The following EIF3A variants were observed in gnomAD, a reference collection of about 807,000 sequenced individuals.
EIF3A encodes EIF3, p180 subunit.
EIF3A carries 21 observed loss-of-function variants against 186.6 expected under a neutral mutation model. The observed-to-expected ratio is 0.11, with a 90% confidence interval of 0.08 to 0.16. The LOEUF is 0.16. Among genes scored for constraint, EIF3A ranks in the 10% least tolerant of loss-of-function variants. EIF3A has a pLI of 1.00. For missense variants in EIF3A, 1,306 were observed against 1,796.3 expected, an observed-to-expected ratio of 0.73 and a Z score of 4.93; for synonymous variants, 563 against 584.3, an observed-to-expected ratio of 0.96 and a Z score of 0.52.
Position 119,038,414 on chromosome 10 carries a change from G to A in EIF3A, c.3552C>T (p.Ala1184=). 1 of 1,613,314 alleles carries A rather than the reference G, an allele frequency of 6.2e-7. No individual in the cohort carries two copies. Among genetic ancestry groups the A allele is most frequent in the South Asian group, 1.1e-5 (1 of 90,870 alleles). ...GAGGTGGACCCCAGCTCTCCTCTCT[G>A]GCTTTTTCTTTCTCTCTCCATCCAC... ...KPGGWREKEK[A]REESWGPPRE... The change falls in exon 20 of 22, where the codon GCC becomes GCT. Residue 1184 remains alanine (A), a synonymous_variant. Transcript: ENST00000369144.
Position 119,056,683 on chromosome 10 carries a change from T to A in EIF3A, c.2196+57A>T, listed in dbSNP as rs1264030363. The A allele has an allele frequency of 1.7e-5, 19 of 1,133,890 alleles. No homozygotes were observed. In the East Asian group the frequency reaches 4.5e-4, roughly 27 times the overall value. The allele number at this position is 1,133,890 out of a possible 1,614,324, so 70.2% of individuals were successfully genotyped here. Reference sequence around the variant, plus strand: ...AGCAATTCTGAATCCTTGGTTCCATTACTGGCAGAGGATTTTATTACAATC... The same window carrying A: ...AGCAATTCTGAATCCTTGGTTCCATAACTGGCAGAGGATTTTATTACAATC... On this transcript the variant is annotated intron_variant, in intron 14 of 21. Coordinates refer to ENST00000369144, the MANE Select transcript of EIF3A (RefSeq NM_003750.4).
intron 19 of EIF3A, among the ~76,000 whole-genome samples, chr10:119,041,005 CA>C (rs34452005): frequency 0.34 from 27,010 of 78,452 alleles, 2,122 homozygotes; most frequent in East Asian, 0.41. Flanking sequence ...ACTCCGTCTC[CA>C]AAAAAAAAAA....
Position 119,036,205 on chromosome 10 carries a change from CGAG to C in EIF3A, c.3980_3982del (p.Pro1327del). ...TGAAAGAGCTGGGGGAGGAACTCGA[CGAG>C]GAGGGTCCCGCTCTTCCACCCGGTC... is the stretch of plus-strand genomic sequence containing the variant. On this transcript the variant is annotated inframe_deletion, in exon 22 of 22. Transcript: ENST00000369144. 1 of 1,613,688 alleles carries C rather than the reference CGAG, an allele frequency of 6.2e-7. No homozygotes were observed.
At chr10:119,061,444 G>T in intron 7 of EIF3A, 116 bp from the exon 8 acceptor site, 1 of 498,370 alleles carries the variant, frequency 2.0e-6, no homozygotes, top group Non-Finnish European at 3.6e-6. Flanking sequence ...AAATCATCAA[G>T]CCTCAACCTC....
At chr10:119,076,148 C>T (rs1423412702) in intron 1 of EIF3A, among the ~76,000 whole-genome samples, 3 of 150,650 alleles carry the variant, frequency 2.0e-5, no homozygotes, top group African/African-American at 4.9e-5. Flanking sequence ...CTGGCTAACA[C>T]GGTGAAACCT....
chr10:119,050,320 A>G (rs1255189836), intron 16 of EIF3A, among the ~76,000 whole-genome samples: 1 of 152,248 alleles, frequency 6.6e-6, no homozygotes, highest in African/African-American at 2.4e-5. Flanking sequence ...AATTTCTAGA[A>G]GAACATCAAA....
At chr10:119,053,538 C>T (rs945535862) in intron 14 of EIF3A, among the ~76,000 whole-genome samples, 11 of 134,374 alleles carry the variant, frequency 8.2e-5, no homozygotes, top group African/African-American at 1.2e-4. Flanking sequence ...CTGGGGAGAG[C>T]CTGTCTCCAC....
In EIF3A at chr10:119,050,554, C is replaced by T; in HGVS notation, c.2440G>A (p.Glu814Lys). Residue 814 changes from glutamate (E) to lysine (K), a missense_variant, in exon 16 of 22, where the codon GAG becomes AAG. Transcript: ENST00000369144. ...ITYYREKEEE[E>K]QRRAEEQMLK... The stretch of plus-strand genomic sequence containing the variant: ...ATTTGTTCTTCTGCCCTTCTCTGCT[C>T]CTCCTCTTCTTTTTCTCTATAGTAT... 2 of 1,613,982 alleles carry T rather than the reference C, an allele frequency of 1.2e-6. No individual in the cohort carries two copies. The highest frequency in any genetic ancestry group is 1.7e-6 in the Non-Finnish European group (2 of 1,179,894).
intron 14 of EIF3A, among the ~76,000 whole-genome samples, chr10:119,054,206 C>A (rs990967239): frequency 3.9e-5 from 6 of 152,122 alleles, no homozygotes; most frequent in African/African-American, 1.4e-4. Context: ...CAGACGTGAG[C>A]CACCAGGCCT....
intron 16 of EIF3A, 120 bp downstream of exon 16, chr10:119,050,397 GTTAA>G (rs1392487301): frequency 7.4e-6 from 7 of 946,578 alleles, no homozygotes; most frequent in Non-Finnish European, 1.6e-6. Context: ...CTGAGATCCA[GTTAA>G]TTACAGTGCT....
At chr10:119,059,438 G>A (rs908310932) in intron 10 of EIF3A, 41 bp from the exon 11 acceptor site, 3 of 1,435,766 alleles carry the variant, frequency 2.1e-6, no homozygotes, top group Non-Finnish European at 2.9e-6. Context: ...CCACAAGTAA[G>A]CATGAAGTCA....
chr10:119,057,361 T>A (rs1340294425), intron 12 of EIF3A, among the ~76,000 whole-genome samples: 1 of 152,176 alleles, frequency 6.6e-6, no homozygotes, highest in African/African-American at 2.4e-5. Flanking sequence ...GTGCCACAAG[T>A]GTAAAATTCC....
chr10:119,045,243 C>T (rs1848268383), intron 17 of EIF3A, among the ~76,000 whole-genome samples: 1 of 152,064 alleles, frequency 6.6e-6, no homozygotes, highest in African/African-American at 2.4e-5. Context: ...CCACGCCTGC[C>T]CCTTTATTTG....
At chr10:119,061,541 CCCA>C (rs1843887831) in intron 7 of EIF3A, among the ~76,000 whole-genome samples, 1 of 151,840 alleles carries the variant, frequency 6.6e-6, no homozygotes, top group Admixed American at 6.6e-5. Context: ...CGTGAAAAGC[CCCA>C]CAAGTATGTA....
chr10:119,033,777 T>G lies in EIF3A; in HGVS notation c.*2262A>C, dbSNP rs1403298551. The stretch of plus-strand genomic sequence containing the variant: ...AAGTTTGTTAGTCCTGATTTTCTAA[T>G]CGTAGCCACTCAAGGAACAGTCCTT... On this transcript the variant is annotated 3_prime_UTR_variant, in exon 22 of 22. Transcript: ENST00000369144. The G allele has an allele frequency of 6.0e-6, 1 of 166,962 alleles. No homozygotes were observed. The highest frequency in any genetic ancestry group is 1.5e-5 in the Non-Finnish European group (1 of 68,118). The allele number at this position is 166,962 out of a possible 1,614,324, so 10.3% of individuals were successfully genotyped here. A position where few individuals can be genotyped will look rare whatever the true frequency, so the allele number is the denominator to read the frequency against.
In EIF3A at chr10:119,042,016, A is replaced by C; in HGVS notation, c.3504T>G (p.Pro1168=). The change falls in exon 19 of 22, where the codon CCT becomes CCG. Residue 1168 remains proline, a synonymous_variant. Transcript: ENST00000369144. This position sits in a 1 kb window ranked among gnomAD's most constrained non-coding sequence, Gnocchi z 7.8. ...TACCTGGCTTGACTAATGGTCTCCA[A>C]GGACCAGGTCTTGAGTCATCACCCC... is the stretch of plus-strand genomic sequence containing the variant. ...PRRGDDSRPG[P]WRPLVKPGGW... is the part of the protein sequence containing the mutation. 1 of 1,614,190 alleles carries C rather than the reference A, an allele frequency of 6.2e-7. No homozygotes were observed. Among genetic ancestry groups the C allele is most frequent in the Non-Finnish European group, 8.5e-7 (1 of 1,180,020 alleles).
chr10:119,045,458 G>C (rs1415023131), intron 17 of EIF3A, among the ~76,000 whole-genome samples: 1 of 152,142 alleles, frequency 6.6e-6, no homozygotes, highest in Non-Finnish European at 1.5e-5. Flanking sequence ...AACAGTCAAA[G>C]GAATTTATGG....
chr10:119,073,389 GA>G, intron 3 of EIF3A, 51 bp downstream of exon 3: 2 of 1,392,864 alleles, frequency 1.4e-6, no homozygotes, highest in Non-Finnish European at 9.8e-7. Context: ...CCATGTAAAA[GA>G]AAACACCAAG....
At chr10:119,064,725 T>A (rs1277087829) in intron 7 of EIF3A, among the ~76,000 whole-genome samples, 4 of 152,172 alleles carry the variant, frequency 2.6e-5, no homozygotes, top group African/African-American at 9.7e-5. Context: ...TTTGTTTGTT[T>A]GAAAAGGAGT....
Sources: gnomAD v4.1 joint callset for allele counts (sites outside exome capture counted in the v4.1 genomes callset) on GRCh38, gnomAD v4.1.1 for gene constraint, Gnocchi (gnomAD v3.1) non-coding constraint, MANE v1.5 for transcripts, NCBI Gene and HGNC (gene_info 2026-07-23, HGNC 2026-07-21) for gene names.